Variants in ZNF730 observed in about 807,000 individuals in gnomAD.
The protein encoded by ZNF730 is zinc finger protein 730, also known as putative zinc finger protein 730.
ZNF730 carries 12 observed loss-of-function variants against 12.6 expected under a neutral mutation model. The observed-to-expected ratio is 0.95, with a 90% CI of 0.61 to 1.54. ZNF730 has a LOEUF of 1.54. Ranked by LOEUF, ZNF730 falls within the 40% of genes most tolerant of loss-of-function variation. The probability of loss-of-function intolerance (pLI) is 0.00; values close to 1 mark genes in which losing one functional copy is unlikely to be tolerated. For synonymous variants in ZNF730, 194 were observed against 195.8 expected (o/e 0.99, Z 0.08); for missense variants, 643 against 583.5 (o/e 1.10, Z -1.05).
intron 1 of ZNF730, among the ~76,000 whole-genome samples, chr19:23,089,761 C>G (rs1416063211): frequency 2.6e-5 from 4 of 151,998 alleles, no homozygotes; most frequent in Non-Finnish European, 4.4e-5. Flanking sequence ...AAATTGGTAC[C>G]AGTAGACTGG....
chr19:23,127,680 C>T (rs187554840), intron 1 of ZNF730: 2 of 1,235,174 alleles, frequency 1.6e-6, no homozygotes, highest in Admixed American at 1.7e-5. Flanking sequence ...TCACTAAGAG[C>T]ATCAGAAATG....
At chr19:23,083,415 C>T (rs1970000984) in intron 1 of ZNF730, among the ~76,000 whole-genome samples, 1 of 152,118 alleles carries the variant, frequency 6.6e-6, no homozygotes, top group African/African-American at 2.4e-5. Flanking sequence ...CACAGCGAGA[C>T]TCCATCTCAA....
Position 23,136,027 on chromosome 19 carries a change from G to C in ZNF730, c.210G>C (p.Met70Ile). 6.2e-7 allele frequency: 1 copy of C among 1,602,488 alleles called. No individual in the cohort carries two copies. The highest frequency in any genetic ancestry group is 8.5e-7 in the Non-Finnish European group (1 of 1,174,282). Residue 70 changes from methionine to isoleucine, a missense_variant, in exon 3 of 4, where the codon ATG becomes ATC. Physicochemically the swap from Met to Ile is conservative, Grantham distance 10. Coordinates refer to ENST00000597761, the MANE Select transcript of ZNF730 (RefSeq NM_001277403.2). ...KEPWNLKTHD[M>I]VAKPPVICSH... ...CTTGGAATTTGAAGACACATGATAT[G>C]GTAGCCAAACCCCCAGGTAGGTGAC... is the stretch of plus-strand genomic sequence containing the variant.
chr19:23,127,402 A>G lies in ZNF730; in HGVS notation c.4-6678A>G, dbSNP rs555597319. ...TGTTCTTGGATATTCCCAAATATTC[A>G]GCTTCCAGTTCCTGTTTCATCTTTG... On this transcript the variant is annotated intron_variant, in intron 1 of 3. Transcript: ENST00000597761. The G allele has an allele frequency of 3.8e-5, 35 of 926,580 alleles. No individual in the cohort carries two copies. The East Asian group carries it at 8.8e-4, about 23-fold the overall frequency. The allele number at this position is 926,580 out of a possible 1,614,324, so 57.4% of individuals were successfully genotyped here. A position where few individuals can be genotyped will look rare whatever the true frequency, so the allele number is the denominator to read the frequency against.
intron 1 of ZNF730, among the ~76,000 whole-genome samples, chr19:23,120,716 ATCT>A (rs1356234417): frequency 2.6e-5 from 4 of 151,884 alleles, no homozygotes; most frequent in Non-Finnish European, 5.9e-5. Context: ...ATCAGTTCAG[ATCT>A]TCTTGTCTTC....
chr19:23,097,069 G>A (rs893315704), intron 1 of ZNF730, among the ~76,000 whole-genome samples: 1 of 152,082 alleles, frequency 6.6e-6, no homozygotes, highest in Non-Finnish European at 1.5e-5. Context: ...CACATAGAGT[G>A]CCTCATTGAC....
chr19:23,140,963 A>G (rs1369207025), intron 3 of ZNF730, among the ~76,000 whole-genome samples: 3 of 151,972 alleles, frequency 2.0e-5, no homozygotes, highest in Admixed American at 6.6e-5. Flanking sequence ...AAAAAAAACT[A>G]AGTATTCATT....
At chr19:23,124,033 G>C (rs1421516441) in intron 1 of ZNF730, 1 of 152,136 alleles carries the variant, frequency 6.6e-6, no homozygotes, top group Non-Finnish European at 1.5e-5. Flanking sequence ...TGAAGGTGCA[G>C]TTCTACCCAG....
intron 1 of ZNF730, among the ~76,000 whole-genome samples, chr19:23,076,786 C>CA (rs527429017): frequency 4.3e-4 from 66 of 152,278 alleles, no homozygotes; most frequent in Admixed American, 3.8e-3. Flanking sequence ...GGCCATTCCT[C>CA]AGAGACCTAG....
intron 1 of ZNF730, among the ~76,000 whole-genome samples, chr19:23,109,205 GTTA>G (rs1402237751): frequency 6.6e-6 from 1 of 151,924 alleles, no homozygotes; most frequent in Non-Finnish European, 1.5e-5. Context: ...TTTAATAAAT[GTTA>G]TTAATGTTTA....
rs781386333 is a variant in ZNF730 at position 23,145,856 on chromosome 19, T to C, written c.812T>C (p.Leu271Pro). The C allele has an allele frequency of 6.2e-7, 1 of 1,608,270 alleles. No homozygotes were observed. The change falls in exon 4 of 4, where the codon CTT (leucine) becomes CCT (proline). Residue 271 changes from leucine (L) to proline (P), a missense_variant. Physicochemically the swap from Leu to Pro is moderately conservative, Grantham distance 98. Transcript: ENST00000597761. ...CGKFFNQSTN[L>P]TTHKRIHTGE... The stretch of plus-strand genomic sequence containing the variant: ...AAATTTTTTAACCAATCCACAAACC[T>C]TACTACACATAAAAGAATTCATACT...
Position 23,102,537 on chromosome 19 carries a change from C to T in ZNF730, c.-94+27150C>T, listed in dbSNP as rs568307169. On this transcript the variant is annotated intron_variant, in intron 1 of 2. Transcript: ENST00000593635. The stretch of plus-strand genomic sequence containing the variant: ...TTTGGAGATGGAGTTGCTCTGTCGC[C>T]CAGGCTGGAGTGCAGTGGTGTGATC... 3.2e-4 allele frequency among the ~76,000 whole-genome samples: 49 copies of T among 151,298 alleles called. 1 individual carries two copies. The highest frequency in any genetic ancestry group is 1.2e-3 in the African/African-American group (48 of 41,152).
intron 1 of ZNF730, among the ~76,000 whole-genome samples, chr19:23,104,706 G>A (rs1970372101): frequency 6.6e-6 from 1 of 152,106 alleles, no homozygotes; most frequent in Non-Finnish European, 1.5e-5. Flanking sequence ...TTTAACCAAG[G>A]CTTTGACTGA....
intron 2 of ZNF730, among the ~76,000 whole-genome samples, chr19:23,135,158 C>G (rs1402319254): frequency 1.8e-4 from 23 of 127,166 alleles, no homozygotes; most frequent in African/African-American, 5.5e-4. Flanking sequence ...CTGACCTTCC[C>G]TCCACTATTG....
At chr19:23,123,185 A>C (rs1451645523) in intron 1 of ZNF730, 1 of 152,192 alleles carries the variant, frequency 6.6e-6, no homozygotes, top group Non-Finnish European at 1.5e-5. Context: ...CCAGTTTTTC[A>C]TCAAAAAGTG....
intron 1 of ZNF730, among the ~76,000 whole-genome samples, chr19:23,091,007 A>AG (rs1338775173): frequency 6.6e-6 from 1 of 151,900 alleles, no homozygotes; most frequent in Non-Finnish European, 1.5e-5. Flanking sequence ...TCTCAAAAAA[A>AG]AAAAAAAGAA....
At chr19:23,104,492 T>C (rs1970369989) in intron 1 of ZNF730, among the ~76,000 whole-genome samples, 1 of 152,184 alleles carries the variant, frequency 6.6e-6, no homozygotes, top group African/African-American at 2.4e-5. Flanking sequence ...AACTACTATT[T>C]ATGGCCTTCA....
intron 1 of ZNF730, among the ~76,000 whole-genome samples, chr19:23,104,173 G>A (rs1970365368): frequency 6.6e-6 from 1 of 151,910 alleles, no homozygotes; most frequent in Non-Finnish European, 1.5e-5. Flanking sequence ...ATGGTGGCTG[G>A]CACCTCTAGT....
At chr19:23,131,216 T>G (rs1970739105) in intron 1 of ZNF730, among the ~76,000 whole-genome samples, 1 of 152,248 alleles carries the variant, frequency 6.6e-6, no homozygotes, top group Non-Finnish European at 1.5e-5. Flanking sequence ...TCCTCTCATC[T>G]GTTTATGTTT....
Sources: gnomAD v4.1 joint callset for allele counts (sites outside exome capture counted in the v4.1 genomes callset) on GRCh38, gnomAD v4.1.1 for gene constraint, MANE v1.5 for transcripts, NCBI Gene and HGNC (gene_info 2026-07-23, HGNC 2026-07-21) for gene names.